KIF1A: variants seen among roughly 807,000 people sequenced by gnomAD.
KIF1A encodes kinesin-like protein KIF1A.
A neutral mutation model predicts 227.3 loss-of-function variants in KIF1A; 46 were observed. The observed-to-expected ratio is 0.20, with a 90% confidence interval of 0.16 to 0.26. The LOEUF (loss-of-function observed/expected upper bound fraction) is 0.26, where lower values mean the gene tolerates loss of function less well. Ranked by LOEUF, KIF1A falls within the 10% of genes least tolerant of loss-of-function variation. The probability of loss-of-function intolerance (pLI) is 1.00; values close to 1 mark genes in which losing one functional copy is unlikely to be tolerated. For missense variants in KIF1A, 1,683 were observed against 2,485.9 expected (o/e 0.68, Z 6.87); for synonymous variants, 1,022 against 1,012.8 (o/e 1.01, Z -0.17).
rs761559028 is a variant in KIF1A, at chr2:240,739,350, G to A, written c.3901+708C>T. 5.3e-5 allele frequency among the ~76,000 whole-genome samples: 8 copies of A among 152,210 alleles called. No individual in the cohort carries two copies. The highest frequency in any genetic ancestry group is 7.3e-5 in the Non-Finnish European group (5 of 68,038). ...GGAAACATTTGGCGGACCCGAATTC[G>A]AAACATGAGGTCATGGAAGAAAAGA... is the stretch of plus-strand genomic sequence containing the variant. On this transcript the variant is annotated intron_variant, in intron 37 of 48. Coordinates refer to ENST00000498729, the MANE Select transcript of KIF1A (RefSeq NM_001244008.2). The surrounding 1 kb of genome is among the most constrained non-coding windows in gnomAD (Gnocchi z 5.6).
At chr2:240,732,297 G>T in intron 38 of KIF1A, among the ~76,000 whole-genome samples, 1 of 118,212 alleles carries the variant, frequency 8.5e-6, no homozygotes. Flanking sequence ...CAGGGGAGGA[G>T]AGAATGAGGG....
At position 240,717,410 on chromosome 2, in the gene KIF1A, C is replaced by A. The variant is rs758806789; in HGVS notation, c.5334-4G>T. On this transcript the variant is annotated splice_polypyrimidine_tract_variant and splice_region_variant and intron_variant, in intron 48 of 48. Transcript: ENST00000498729. ...CCTCCTTCTGGAGAGCTTGGACCTG[C>A]AGAAGAGTTGGGAGAGGCGGCGTGG... The A allele has an allele frequency of 6.2e-7, 1 of 1,611,132 alleles. No individual in the cohort carries two copies. Among genetic ancestry groups the A allele is most frequent in the African/African-American group, 1.3e-5 (1 of 75,034 alleles).
intron 27 of KIF1A, among the ~76,000 whole-genome samples, chr2:240,753,527 C>T (rs1030992651): frequency 6.6e-6 from 1 of 152,188 alleles, no homozygotes; most frequent in African/African-American, 2.4e-5. Flanking sequence ...CCAAGCCCCT[C>T]GCAACCCCAG....
intron 38 of KIF1A, chr2:240,728,537 A>C: frequency 4.5e-5 from 25 of 559,364 alleles, no homozygotes; most frequent in Non-Finnish European, 7.0e-5. Flanking sequence ...GCCGGATCTC[A>C]CGGCCCCCAG....
Position 240,715,727 on chromosome 2 carries a change from A to C in KIF1A, c.*1637T>G, listed in dbSNP as rs1001252981. On this transcript the variant is annotated 3_prime_UTR_variant, in exon 49 of 49. Transcript: ENST00000498729. ...CCCAGGCATGGGATTGGGGTCTCTG[A>C]GGCTCATGTCAGCATCACGTGGGAC... 1.3e-5 allele frequency: 2 copies of C among 152,338 alleles called. No homozygotes were observed. Among genetic ancestry groups the C allele is most frequent in the African/African-American group, 4.8e-5 (2 of 41,438 alleles). 9.4% of individuals were successfully genotyped at this position (152,338 alleles called of 1,614,324 possible).
chr2:240,749,151 T>G (rs1490899309), intron 28 of KIF1A, among the ~76,000 whole-genome samples: 1 of 150,918 alleles, frequency 6.6e-6, no homozygotes, highest in African/African-American at 2.4e-5. Flanking sequence ...AAGAAAGAAA[T>G]TATGGGCTAA....
chr2:240,745,966 C>A, intron 30 of KIF1A, 57 bp from the exon 31 acceptor site: 1 of 1,592,478 alleles, frequency 6.3e-7, no homozygotes, highest in South Asian at 1.1e-5. Flanking sequence ...CTTCCAGCCA[C>A]AGGCCTGGGC....
Position 240,788,273 on chromosome 2 carries a change from A to C in KIF1A, c.184-43T>G. The C allele has an allele frequency of 1.3e-6, 2 of 1,588,100 alleles. No homozygotes were observed. Among genetic ancestry groups the C allele is most frequent in the Non-Finnish European group, 1.7e-6 (2 of 1,159,620 alleles). On this transcript the variant is annotated intron_variant, in intron 3 of 48. Transcript: ENST00000498729. The surrounding 1 kb of genome is among the most constrained non-coding windows in gnomAD (Gnocchi z 6.6). The stretch of plus-strand genomic sequence containing the variant: ...AATGAAGTTGCAGGAGGCTGGGTGC[A>C]TCCGAGGCTCAGCCCATCATGTCTG...
In KIF1A at chr2:240,775,244, A is replaced by T. The variant is rs1160290856; in HGVS notation, c.958+607T>A. 6.6e-6 allele frequency among the ~76,000 whole-genome samples: 1 copy of T among 152,176 alleles called. No homozygotes were observed. Reference sequence around the variant, plus strand: ...TCTGCACACCTCAGCCATGCGGCTGAGGGAGGCCAGGGACCCCCAGTCATC... The same window carrying T: ...TCTGCACACCTCAGCCATGCGGCTGTGGGAGGCCAGGGACCCCCAGTCATC... On this transcript the variant is annotated intron_variant, in intron 11 of 48. Transcript: ENST00000498729. This position sits in a 1 kb window ranked among gnomAD's most constrained non-coding sequence, Gnocchi z 5.5.
rs141518383 is a variant in KIF1A at position 240,815,801 on chromosome 2, C to A, written c.-61+4321G>T. On this transcript the variant is annotated intron_variant, in intron 1 of 48. Coordinates refer to ENST00000498729, the MANE Select transcript of KIF1A (RefSeq NM_001244008.2). ...GTCCTCACTTTACAAGCCACATGGG[C>A]TTCTCAGGAGCCTCAGTCTCCATAC... is the stretch of plus-strand genomic sequence containing the variant. Among the ~76,000 whole-genome samples, 654 of 152,298 alleles carry A rather than the reference C, an allele frequency of 4.3e-3. 4 individuals carry two copies. Among genetic ancestry groups the A allele is most frequent in the African/African-American group, 0.015 (621 of 41,556 alleles).
At chr2:240,820,652 C>A (rs1029884056), upstream of KIF1A, among the ~76,000 whole-genome samples, 7 of 150,774 alleles carry the variant, frequency 4.6e-5, no homozygotes, top group Admixed American at 6.6e-5. The surrounding 1 kb of genome is among the most constrained non-coding windows in gnomAD (Gnocchi z 6.2). Context: ...TCTGAGCCAG[C>A]GACAGACGCA....
rs901765583 is a variant in KIF1A, at chr2:240,788,385, G to A, written c.184-155C>T. 6.6e-6 allele frequency among the ~76,000 whole-genome samples: 1 copy of A among 152,278 alleles called. No homozygotes were observed. Among genetic ancestry groups the A allele is most frequent in the Non-Finnish European group, 1.5e-5 (1 of 68,034 alleles). On this transcript the variant is annotated intron_variant, in intron 3 of 48. Coordinates refer to ENST00000498729, the MANE Select transcript of KIF1A (RefSeq NM_001244008.2). The surrounding 1 kb of genome is among the most constrained non-coding windows in gnomAD (Gnocchi z 6.6). ...GCCCCCCATCCTACTCCTGCCTTGT[G>A]GGGTAGCTTCCTGGAGGAGAAGCCC...
chr2:240,807,892 G>A (rs905640401), intron 1 of KIF1A, among the ~76,000 whole-genome samples: 4 of 152,152 alleles, frequency 2.6e-5, no homozygotes, highest in African/African-American at 9.7e-5. Flanking sequence ...TCAAATTAAA[G>A]AAGAAAGAAT....
At chr2:240,777,505 G>A (rs1162310521) in intron 10 of KIF1A, among the ~76,000 whole-genome samples, 1 of 151,928 alleles carries the variant, frequency 6.6e-6, no homozygotes, top group Non-Finnish European at 1.5e-5. Flanking sequence ...CTGTCCAGTC[G>A]TGCTCTGCCA....
At chr2:240,777,107 G>T (rs564950456) in intron 10 of KIF1A, among the ~76,000 whole-genome samples, 25 of 152,248 alleles carry the variant, frequency 1.6e-4, no homozygotes, top group African/African-American at 5.8e-4. Flanking sequence ...GCAGTGGCAC[G>T]ATCGCGGCTC....
At chr2:240,769,513 C>A (rs1559512678) in intron 16 of KIF1A, 114 bp downstream of exon 16, 1 of 854,874 alleles carries the variant, frequency 1.2e-6, no homozygotes, top group Non-Finnish European at 1.8e-6. Context: ...GATGTGGCCA[C>A]CCCATGGTGC....
At chr2:240,771,195 G>T (rs2051923877) in intron 14 of KIF1A, 91 bp from the exon 15 acceptor site, 4 of 1,516,842 alleles carry the variant, frequency 2.6e-6, no homozygotes, top group East Asian at 4.5e-5. Context: ...GGGAGGAGGG[G>T]TAGGGCGGGC....
chr2:240,816,330 ATG>A (rs1204493111), intron 1 of KIF1A, among the ~76,000 whole-genome samples: 4 of 151,652 alleles, frequency 2.6e-5, no homozygotes, highest in Admixed American at 1.3e-4. Context: ...GTGTGCGTGC[ATG>A]TGTGTGTCAG....
rs115850070 is a variant in KIF1A at position 240,738,406 on chromosome 2, T to C, written c.3902-1238A>G. Among the ~76,000 whole-genome samples the C allele has an allele frequency of 6.3e-3, 966 of 152,286 alleles. 3 individuals carry two copies. The highest frequency in any genetic ancestry group is 9.5e-3 in the Non-Finnish European group (644 of 68,014). ...ACTTTCATCCCTTTCGCTGACCCTG[T>C]GCCCAGTCCTGTCCAACTCACAGGG... On this transcript the variant is annotated intron_variant, in intron 37 of 48. Coordinates refer to ENST00000498729, the MANE Select transcript of KIF1A (RefSeq NM_001244008.2).
Sources: allele counts gnomAD v4.1 joint callset (sites outside exome capture counted in the v4.1 genomes callset), GRCh38; gene constraint gnomAD v4.1.1; non-coding constraint Gnocchi (gnomAD v3.1); transcripts MANE v1.5; gene names NCBI Gene and HGNC (gene_info 2026-07-23, HGNC 2026-07-21).